CLCN5: variants seen among roughly 807,000 people sequenced by gnomAD.
CLCN5 encodes Cl-/H+ antiporter 5.
Under a neutral mutation model 54.0 loss-of-function variants are expected in CLCN5, and 17 were observed. The ratio of observed to expected loss-of-function variants is 0.31; its 90% CI spans 0.22 to 0.47. The LOEUF (loss-of-function observed/expected upper bound fraction) is 0.47. CLCN5 is among the 20% of genes least tolerant of loss of function. The probability of loss-of-function intolerance (pLI) is 1.00; values close to 1 mark genes in which losing one functional copy is unlikely to be tolerated. For synonymous variants in CLCN5, 222 were observed against 233.0 expected (o/e 0.95, Z 0.43); for missense variants, 448 against 646.7 (o/e 0.69, Z 3.33).
chrX:50,056,564 C>A (rs192810007), intron 4 of CLCN5, among the ~76,000 whole-genome samples: 3 of 111,862 alleles, frequency 2.7e-5, no homozygotes, highest in East Asian at 2.8e-4. Flanking sequence ...CCTGCAGATA[C>A]CAAGCCAAAG....
chrX:50,062,166 TTAAATG>T (rs1932865423), intron 4 of CLCN5, among the ~76,000 whole-genome samples: 2 of 97,638 alleles, frequency 2.0e-5, no homozygotes, highest in Non-Finnish European at 4.1e-5. Context: ...AATATTAACT[TTAAATG>T]TAAATGGACT....
intron 3 of CLCN5, among the ~76,000 whole-genome samples, chrX:50,026,020 C>G (rs1931370917): frequency 1.8e-5 from 2 of 112,058 alleles, no homozygotes; most frequent in East Asian, 5.5e-4. Flanking sequence ...GCATTCAATA[C>G]TATAAATATC....
intron 3 of CLCN5, among the ~76,000 whole-genome samples, chrX:49,971,274 ATTAT>A (rs1338956989): frequency 1.9e-5 from 2 of 103,426 alleles, no homozygotes; most frequent in East Asian, 2.9e-4. Flanking sequence ...TTTTATATAT[ATTAT>A]TTATATATAT....
At chrX:50,040,002 T>C (rs1323428879) in intron 3 of CLCN5, among the ~76,000 whole-genome samples, 1 of 112,086 alleles carries the variant, frequency 8.9e-6, no homozygotes, top group Non-Finnish European at 1.9e-5. Context: ...TGATTTTCTT[T>C]TTTCTTAAAT....
At chrX:49,957,023 G>A (rs1927360662) in intron 3 of CLCN5, among the ~76,000 whole-genome samples, 1 of 112,067 alleles carries the variant, frequency 8.9e-6, no homozygotes, top group South Asian at 3.7e-4. Context: ...TTGTGGCCGG[G>A]CGTGGTGGCT....
At chrX:50,071,608 CTG>C (rs1488952584) in intron 5 of CLCN5, among the ~76,000 whole-genome samples, 1 of 112,150 alleles carries the variant, frequency 8.9e-6, no homozygotes, top group Non-Finnish European at 1.9e-5. Context: ...ATAGCATTAA[CTG>C]TTCATTATCA....
Position 49,940,763 on chromosome X carries a change from C to T in CLCN5, c.16+15449C>T, listed in dbSNP as rs564482339. On this transcript the variant is annotated intron_variant, in intron 3 of 14. Transcript: ENST00000376091. ...AATGATTTCACTTGCTCGTTAGGGC[C>T]ACAGCAAGAGTACTCTAATAGGAAA... is the stretch of plus-strand genomic sequence containing the variant. Among the ~76,000 whole-genome samples, 7 of 111,728 alleles carry T rather than the reference C, an allele frequency of 6.3e-5. No homozygotes were observed. In the South Asian group the frequency reaches 2.3e-3, roughly 36 times the overall value.
chrX:50,004,232 C>T, intron 3 of CLCN5, among the ~76,000 whole-genome samples: 1 of 112,009 alleles, frequency 8.9e-6, no homozygotes, highest in Non-Finnish European at 1.9e-5. Context: ...TGGGTACTCC[C>T]CTATGCACCA....
chrX:50,014,610 C>G (rs782404826), intron 3 of CLCN5: 18 of 354,997 alleles, frequency 5.1e-5, no homozygotes, highest in African/African-American at 2.9e-4. Context: ...CTCCCCCTCT[C>G]TAATCCTTGC....
At chrX:50,066,422 A>G (rs951918758) in intron 4 of CLCN5, among the ~76,000 whole-genome samples, 5 of 111,611 alleles carry the variant, frequency 4.5e-5, no homozygotes, top group Non-Finnish European at 9.4e-5. Context: ...GTTTTGTTGT[A>G]TTAACATTTC....
At chrX:49,939,242 G>C (rs1557170278) in intron 3 of CLCN5, among the ~76,000 whole-genome samples, 1 of 110,735 alleles carries the variant, frequency 9.0e-6, no homozygotes, top group Admixed American at 9.6e-5. Flanking sequence ...ATTCCTCAGG[G>C]ATCTAGAACT....
At chrX:50,017,992 T>G (rs1489247940) in intron 3 of CLCN5, among the ~76,000 whole-genome samples, 1 of 111,755 alleles carries the variant, frequency 8.9e-6, no homozygotes, top group Non-Finnish European at 1.9e-5. Context: ...TTAGAATCAG[T>G]TTGTTGATAC....
At chrX:49,985,248 GTTGCCATTTAAGAAAGATATTT>G (rs1326063831) in intron 3 of CLCN5, among the ~76,000 whole-genome samples, 3 of 110,875 alleles carry the variant, frequency 2.7e-5, no homozygotes, top group Non-Finnish European at 5.7e-5. Flanking sequence ...TCTTTATTCA[GTTGCCATTTAAGAAAGATATTT>G]TTATGATTTC....
intron 3 of CLCN5, among the ~76,000 whole-genome samples, chrX:49,935,400 TCTG>T (rs1557169490): frequency 8.9e-6 from 1 of 112,363 alleles, no homozygotes; most frequent in Non-Finnish European, 1.9e-5. Flanking sequence ...TGTTCTCACA[TCTG>T]CTGTGTGCCA....
chrX:50,037,775 T>C (rs1932061148), intron 3 of CLCN5, among the ~76,000 whole-genome samples: 1 of 112,400 alleles, frequency 8.9e-6, no homozygotes, highest in Admixed American at 9.4e-5. Context: ...GAATCAGATA[T>C]AAGTGAAAAC....
At chrX:50,067,771 T>G (rs1933082757) in intron 4 of CLCN5, 4 of 741,718 alleles carry the variant, frequency 5.4e-6, no homozygotes, top group Non-Finnish European at 6.4e-6. Flanking sequence ...GTAAGCAGAC[T>G]TGAGCCTGAC....
chrX:50,036,334 T>C (rs1931995961), intron 3 of CLCN5, among the ~76,000 whole-genome samples: 1 of 112,252 alleles, frequency 8.9e-6, no homozygotes, highest in South Asian at 3.7e-4. Context: ...CAATTTTCTT[T>C]TGTTGACCCT....
At chrX:50,081,467 G>C (rs1933697617) in intron 8 of CLCN5, among the ~76,000 whole-genome samples, 174 bp from the exon 9 acceptor site, 2 of 111,629 alleles carry the variant, frequency 1.8e-5, no homozygotes, top group Non-Finnish European at 3.8e-5. Context: ...TTAAAGAACA[G>C]TTCTTGCTTT....
intron 4 of CLCN5, 73 bp downstream of exon 4, chrX:50,042,535 AATTTT>A (rs1569539282): frequency 2.9e-5 from 21 of 720,967 alleles, no homozygotes; most frequent in Admixed American, 5.1e-5. Context: ...ATTTTTTTTT[AATTTT>A]ATTTTCTAGC....
Sources: allele counts gnomAD v4.1 joint callset (sites outside exome capture counted in the v4.1 genomes callset), GRCh38; gene constraint gnomAD v4.1.1; transcripts MANE v1.5; gene names NCBI Gene and HGNC (gene_info 2026-07-23, HGNC 2026-07-21).